ZNF438: variants seen among roughly 807,000 people sequenced by gnomAD.
ZNF438 encodes the protein zinc finger protein 438.
A neutral mutation model predicts 38.0 loss-of-function variants in ZNF438; 25 were observed. The ratio of observed to expected loss-of-function variants is 0.66; its 90% CI spans 0.48 to 0.92. The LOEUF (loss-of-function observed/expected upper bound fraction) is 0.92. ZNF438 is among the 40% of genes least tolerant of loss of function. The probability of loss-of-function intolerance (pLI) is 0.00; values close to 1 mark genes in which losing one functional copy is unlikely to be tolerated. For missense variants in ZNF438, 1,007 were observed against 999.6 expected, an observed-to-expected ratio of 1.01 and a Z score of -0.10; for synonymous variants, 372 against 364.1, an observed-to-expected ratio of 1.02 and a Z score of -0.25.
chr10:30,920,921 T>C (rs1267088133), intron 2 of ZNF438: 1 of 152,214 alleles, frequency 6.6e-6, no homozygotes, highest in Non-Finnish European at 1.5e-5. Context: ...TCAATGTAGT[T>C]TTGTTCAAAG....
chr10:30,932,383 G>C (rs565544330), intron 2 of ZNF438, among the ~76,000 whole-genome samples: 1 of 152,246 alleles, frequency 6.6e-6, no homozygotes, highest in South Asian at 2.1e-4. Context: ...ATATGAATAA[G>C]AGCTAATAAT....
rs1356875508 is a variant in ZNF438 at position 30,958,218 on chromosome 10, T to C, written c.-191-16567A>G. The stretch of plus-strand genomic sequence containing the variant: ...TTTGATGTTAGGCTACCAGACTGTA[T>C]AGAAAGGGGGCTCAAGAAACAGGTC... On this transcript the variant is annotated intron_variant, in intron 1 of 5. Transcript: ENST00000413025. Among the ~76,000 whole-genome samples the C allele has an allele frequency of 6.8e-5, 10 of 146,716 alleles. 3 individuals carry two copies. Among genetic ancestry groups the C allele is most frequent in the Non-Finnish European group, 1.4e-4 (9 of 64,766 alleles).
chr10:30,860,898 G>A (rs2035468554), intron 4 of ZNF438, among the ~76,000 whole-genome samples: 1 of 152,134 alleles, frequency 6.6e-6, no homozygotes, highest in Non-Finnish European at 1.5e-5. Context: ...GATCTCAGTG[G>A]CCCTGTGATG....
intron 1 of ZNF438, among the ~76,000 whole-genome samples, chr10:31,010,005 C>A (rs77675980): frequency 0.03 from 4,549 of 152,106 alleles, 217 homozygotes; most frequent in African/African-American, 0.1. Flanking sequence ...CCTGCCATGA[C>A]AACCGGCTAA....
At chr10:30,920,562 T>C (rs1001692817) in intron 2 of ZNF438, 9 of 152,218 alleles carry the variant, frequency 5.9e-5, no homozygotes, top group African/African-American at 2.2e-4. Flanking sequence ...TGATACAGCT[T>C]CGCCATCCTC....
intron 1 of ZNF438, among the ~76,000 whole-genome samples, chr10:30,954,982 G>T (rs773158772): frequency 1.3e-5 from 2 of 152,156 alleles, no homozygotes; most frequent in Non-Finnish European, 2.9e-5. Flanking sequence ...CCTAATAAAA[G>T]AACTAACATC....
intron 1 of ZNF438, among the ~76,000 whole-genome samples, chr10:31,004,965 T>A (rs1038435744): frequency 6.6e-6 from 1 of 152,198 alleles, no homozygotes; most frequent in African/African-American, 2.4e-5. Context: ...AGATAACAAG[T>A]GTTGGTGATG....
rs897977933 is a variant in ZNF438 at position 30,987,286 on chromosome 10, C to G, written c.-192+44547G>C. On this transcript the variant is annotated intron_variant, in intron 1 of 5. Coordinates refer to ENST00000413025, the Ensembl canonical transcript of ZNF438. The stretch of plus-strand genomic sequence containing the variant: ...AGTAAGCTGTGATCACACCATTGCA[C>G]TTCAGCCTGGGCAACAGAGTACACC... Among the ~76,000 whole-genome samples, 5 of 144,396 alleles carry G rather than the reference C, an allele frequency of 3.5e-5. No homozygotes were observed. In the Admixed American group the frequency reaches 3.6e-4, roughly 10 times the overall value. 94.7% of individuals were successfully genotyped at this position (144,396 alleles called of 152,430 possible). A position where few individuals can be genotyped will look rare whatever the true frequency, so the allele number is the denominator to read the frequency against.
At chr10:31,029,774 C>G (rs994012622) in intron 1 of ZNF438, among the ~76,000 whole-genome samples, 4 of 152,198 alleles carry the variant, frequency 2.6e-5, no homozygotes, top group African/African-American at 4.8e-5. Context: ...TACAAGGGAC[C>G]CCACGGCCTG....
chr10:30,950,270 G>T (rs1175056465), intron 1 of ZNF438, among the ~76,000 whole-genome samples: 1 of 152,006 alleles, frequency 6.6e-6, no homozygotes, highest in Non-Finnish European at 1.5e-5. Flanking sequence ...GAAATTTATA[G>T]CACTAAATGC....
chr10:31,022,034 G>T (rs1345902362), intron 1 of ZNF438, among the ~76,000 whole-genome samples: 1 of 151,356 alleles, frequency 6.6e-6, no homozygotes, highest in East Asian at 2.0e-4. Context: ...TTTTAAAATT[G>T]TCATTTTGAA....
At chr10:30,968,434 C>CTTTT (rs546132410) in intron 1 of ZNF438, among the ~76,000 whole-genome samples, 16 of 103,616 alleles carry the variant, frequency 1.5e-4, no homozygotes, top group South Asian at 3.0e-4. Flanking sequence ...TGAATGTAAA[C>CTTTT]TTTTTTTTTT....
intron 1 of ZNF438, among the ~76,000 whole-genome samples, chr10:30,962,920 A>G (rs1025787434): frequency 6.6e-6 from 1 of 152,218 alleles, no homozygotes; most frequent in East Asian, 1.9e-4. Flanking sequence ...TCCTTTAGCT[A>G]TATAATAAAA....
Position 30,853,451 on chromosome 10 carries a change from G to A in ZNF438, c.38-3084C>T, listed in dbSNP as rs200501814. Among the ~76,000 whole-genome samples the A allele has an allele frequency of 4.6e-5, 7 of 152,260 alleles. No individual in the cohort carries two copies. The East Asian group carries it at 1.2e-3, about 25-fold the overall frequency. On this transcript the variant is annotated intron_variant, in intron 4 of 5. Coordinates refer to ENST00000413025, the Ensembl canonical transcript of ZNF438. ...CCTCTACTTGCTCCACTCCAGCCAT[G>A]GTGGCCTCTTTGCTGTTCTGGGCAT...
exon 5 of ZNF438, chr10:30,849,624 CTTTAAA>C: frequency 6.2e-7 from 1 of 1,614,134 alleles, no homozygotes; most frequent in Non-Finnish European, 8.5e-7. Context: ...TCAACTTGTT[CTTTAAA>C]TTTTTCACTG....
chr10:30,848,613 G>C, exon 5 of ZNF438: 2 of 1,614,192 alleles, frequency 1.2e-6, no homozygotes, highest in Non-Finnish European at 1.7e-6. Flanking sequence ...CTGGGCGCAG[G>C]CTCAGTGCTG....
At chr10:30,907,313 T>C (rs1005492756) in intron 3 of ZNF438, among the ~76,000 whole-genome samples, 1 of 152,148 alleles carries the variant, frequency 6.6e-6, no homozygotes, top group African/African-American at 2.4e-5. Context: ...AAGATACTGG[T>C]CTATAGTTTT....
exon 5 of ZNF438, chr10:30,850,022 C>T: frequency 6.2e-7 from 1 of 1,614,004 alleles, no homozygotes; most frequent in Non-Finnish European, 8.5e-7. Flanking sequence ...TTTGCTATTT[C>T]TAGGGGGTTG....
intron 4 of ZNF438, among the ~76,000 whole-genome samples, chr10:30,874,108 GTGTGTGTATATATATATATATATA>G (rs371879835): frequency 0.35 from 37,351 of 107,988 alleles, 6,177 homozygotes; most frequent in Admixed American, 0.39. Context: ...GTGGGGGTGT[GTGTGTGTATATATATATATATATA>G]TATATATATA....
Sources: gnomAD v4.1 joint callset for allele counts (sites outside exome capture counted in the v4.1 genomes callset) on GRCh38, gnomAD v4.1.1 for gene constraint, MANE v1.5 for transcripts, NCBI Gene and HGNC (gene_info 2026-07-23, HGNC 2026-07-21) for gene names.